Variants in KIZ observed in about 807,000 individuals in gnomAD.
KIZ encodes the protein kizuna centrosomal protein.
Under a neutral mutation model 79.6 loss-of-function variants are expected in KIZ, and 68 were observed. That is an observed-to-expected ratio of 0.85 (90% CI 0.70 to 1.05). The LOEUF is 1.05. KIZ is among the 50% of genes least tolerant of loss of function. The pLI, the probability that KIZ is intolerant of heterozygous loss-of-function variation, is 0.00. For missense variants in KIZ, 797 were observed against 800.4 expected (o/e 1.00, Z 0.05); for synonymous variants, 280 against 281.8 (o/e 0.99, Z 0.06).
At chr20:21,189,745 T>G (rs950377205) in intron 6 of KIZ, among the ~76,000 whole-genome samples, 11 of 152,184 alleles carry the variant, frequency 7.2e-5, no homozygotes, top group African/African-American at 2.7e-4. Context: ...TCACACTGTT[T>G]CCAGGTAAAG....
Position 21,161,899 on chromosome 20 carries a change from G to T in KIZ, c.434G>T (p.Gly145Val). The T allele has an allele frequency of 1.9e-6, 3 of 1,613,016 alleles. No homozygotes were observed. The highest frequency in any genetic ancestry group is 1.7e-6 in the Non-Finnish European group (2 of 1,179,264). ...KVAVHEGINS[G>V]TAMSRGLYQP... is the part of the protein sequence containing the mutation. The stretch of plus-strand genomic sequence containing the variant: ...GCAGTGCACGAGGGGATTAACTCAG[G>T]AACAGCCATGTCAAGAGGATTGTAT... Residue 145 changes from glycine to valine, a missense_variant, in exon 5 of 13, where the codon GGA (glycine) becomes GTA (valine). Physicochemically the swap from Gly to Val is moderately radical, Grantham distance 109 (BLOSUM62 -3). Transcript: ENST00000619189.
At chr20:21,166,820 T>A (rs1419554924) in intron 6 of KIZ, among the ~76,000 whole-genome samples, 1 of 152,130 alleles carries the variant, frequency 6.6e-6, no homozygotes, top group Non-Finnish European at 1.5e-5. Flanking sequence ...CTTGAACTGC[T>A]GACCTCAAGT....
chr20:21,197,660 A>G (rs2035399562), intron 6 of KIZ: 1 of 152,376 alleles, frequency 6.6e-6, no homozygotes, highest in African/African-American at 2.4e-5. Context: ...ATACACGCAA[A>G]CAAGTTTTTC....
chr20:21,137,474 CTTTTT>C (rs34442176), intron 3 of KIZ, among the ~76,000 whole-genome samples: 1 of 136,560 alleles, frequency 7.3e-6, no homozygotes. Flanking sequence ...GCCCCCCTAC[CTTTTT>C]TTTTTTTTTT....
At chr20:21,178,030 C>G (rs1009459322) in intron 6 of KIZ, among the ~76,000 whole-genome samples, 2 of 151,982 alleles carry the variant, frequency 1.3e-5, no homozygotes, top group Admixed American at 6.5e-5. Context: ...CCAGCTTTTT[C>G]TTCTTTCTCA....
At chr20:21,187,210 G>C (rs7266376) in intron 6 of KIZ, among the ~76,000 whole-genome samples, 3,103 of 152,168 alleles carry the variant, frequency 0.02, 103 homozygotes, top group African/African-American at 0.07. Context: ...TCCTCTAAGG[G>C]TTCAACAGCA....
chr20:21,241,419 C>T (rs1258624351), intron 11 of KIZ, among the ~76,000 whole-genome samples: 3 of 152,234 alleles, frequency 2.0e-5, no homozygotes, highest in Non-Finnish European at 2.9e-5. Flanking sequence ...GGGTAGGCCA[C>T]GCACCACGCA....
intron 7 of KIZ, among the ~76,000 whole-genome samples, chr20:21,210,447 C>G (rs2036020823): frequency 6.6e-6 from 1 of 151,992 alleles, no homozygotes; most frequent in East Asian, 1.9e-4. Flanking sequence ...CTATTTACAT[C>G]ATTTCAAATG....
chr20:21,177,667 T>G (rs1042370131), intron 6 of KIZ, among the ~76,000 whole-genome samples: 2 of 152,158 alleles, frequency 1.3e-5, no homozygotes, highest in African/African-American at 4.8e-5. Context: ...GCCAATGTTA[T>G]GAAGCTTTTC....
At chr20:21,177,778 C>A (rs527619238) in intron 6 of KIZ, among the ~76,000 whole-genome samples, 1 of 152,062 alleles carries the variant, frequency 6.6e-6, no homozygotes, top group Non-Finnish European at 1.5e-5. Flanking sequence ...AGTCCAGTTT[C>A]ATTCTTTTGC....
chr20:21,139,294 T>C (rs1019680362), intron 3 of KIZ, among the ~76,000 whole-genome samples: 5 of 152,066 alleles, frequency 3.3e-5, no homozygotes. Flanking sequence ...TACCTCACAT[T>C]TTTTCTCCCT....
intron 9 of KIZ, among the ~76,000 whole-genome samples, chr20:21,224,310 A>G (rs569381590): frequency 1.3e-4 from 20 of 152,306 alleles, no homozygotes; most frequent in African/African-American, 4.3e-4. Context: ...TACTAGGCAA[A>G]TGATTTCTGG....
At chr20:21,192,011 CG>C (rs1328201190) in intron 6 of KIZ, among the ~76,000 whole-genome samples, 2 of 152,004 alleles carry the variant, frequency 1.3e-5, no homozygotes, top group African/African-American at 4.8e-5. Flanking sequence ...CTTCTGCCGG[CG>C]GGGAGGGGTA....
chr20:21,206,926 A>G (rs778505382), intron 7 of KIZ, among the ~76,000 whole-genome samples: 3 of 152,316 alleles, frequency 2.0e-5, no homozygotes, highest in East Asian at 1.9e-4. Flanking sequence ...CGGAAGCCCA[A>G]CTTTAGAGCA....
intron 6 of KIZ, chr20:21,198,814 T>G: frequency 6.5e-6 from 1 of 152,696 alleles, no homozygotes; most frequent in East Asian, 1.9e-4. Flanking sequence ...CCTAAGGCAG[T>G]AAAGGGCAAT....
chr20:21,200,940 G>A (rs913635453), intron 6 of KIZ, among the ~76,000 whole-genome samples: 1 of 152,158 alleles, frequency 6.6e-6, no homozygotes, highest in Non-Finnish European at 1.5e-5. Context: ...AGCACTTTGG[G>A]AGGCTGAGGC....
intron 6 of KIZ, among the ~76,000 whole-genome samples, chr20:21,170,908 C>T (rs1039239937): frequency 5.9e-5 from 9 of 152,158 alleles, no homozygotes; most frequent in African/African-American, 1.4e-4. Context: ...AATCACTTAA[C>T]GTAATGACCT....
At chr20:21,242,395 C>G (rs2037247418) in intron 11 of KIZ, among the ~76,000 whole-genome samples, 1 of 152,178 alleles carries the variant, frequency 6.6e-6, no homozygotes, top group South Asian at 2.1e-4. Flanking sequence ...AAAGCTCACT[C>G]TCATTGCCTA....
chr20:21,127,484 ATTATGTACT>A (rs555152138), intron 1 of KIZ, among the ~76,000 whole-genome samples: 59 of 152,334 alleles, frequency 3.9e-4, no homozygotes, highest in African/African-American at 1.3e-3. Context: ...CTGTATAATA[ATTATGTACT>A]TTATGATTAA....
Sources: gnomAD v4.1 joint callset for allele counts (sites outside exome capture counted in the v4.1 genomes callset) on GRCh38, gnomAD v4.1.1 for gene constraint, MANE v1.5 for transcripts, NCBI Gene and HGNC (gene_info 2026-07-23, HGNC 2026-07-21) for gene names.